Variants in GCSAML observed in about 807,000 individuals in gnomAD.
GCSAML encodes germinal center associated signaling and motility like.
Under a neutral mutation model 13.0 loss-of-function variants are expected in GCSAML, and 9 were observed. The observed-to-expected ratio is 0.69, with a 90% CI of 0.42 to 1.21. The LOEUF (loss-of-function observed/expected upper bound fraction) is 1.21. Among genes scored for constraint, GCSAML ranks in the 50% most tolerant of loss-of-function variants. The pLI is 0.00. For missense variants in GCSAML, 143 were observed against 153.4 expected (o/e 0.93, Z 0.36); for synonymous variants, 37 against 52.9 (o/e 0.70, Z 1.31).
At chr1:247,535,162 T>C (rs1224196946) in intron 2 of GCSAML, among the ~76,000 whole-genome samples, 1 of 151,790 alleles carries the variant, frequency 6.6e-6, no homozygotes, top group Non-Finnish European at 1.5e-5. Context: ...AAAAATAAAA[T>C]AAAATGACTG....
intron 1 of GCSAML, among the ~76,000 whole-genome samples, chr1:247,522,055 G>A (rs902277578): frequency 5.4e-5 from 8 of 148,320 alleles, no homozygotes; most frequent in South Asian, 4.3e-4. Flanking sequence ...GGTGAGCAGC[G>A]TCTCTGCCCG....
chr1:247,544,659 G>A (rs957174828), upstream of GCSAML, among the ~76,000 whole-genome samples: 14 of 152,000 alleles, frequency 9.2e-5, no homozygotes, highest in Non-Finnish European at 5.9e-5. Flanking sequence ...TGGAAACATG[G>A]ACAACAGGGC....
At chr1:247,561,781 C>A (rs1189265683) in intron 2 of GCSAML, among the ~76,000 whole-genome samples, 1 of 152,074 alleles carries the variant, frequency 6.6e-6, no homozygotes, top group Non-Finnish European at 1.5e-5. Context: ...GAAAGTAGAT[C>A]ATTTGTGAGA....
Position 247,576,501 on chromosome 1 carries a change from T to G in GCSAML, c.*2119T>G, listed in dbSNP as rs112138750. On this transcript the variant is annotated 3_prime_UTR_variant, in exon 5 of 5. Transcript: ENST00000366488. ...TTGAGGCTGAACTGAGCCAGGATCT[T>G]GCCACCACATTCCAGCTTGGGCAAC... 2.6e-5 allele frequency: 4 copies of G among 152,194 alleles called. No individual in the cohort carries two copies. The highest frequency in any genetic ancestry group is 5.9e-5 in the Non-Finnish European group (4 of 68,156). 9.4% of individuals were successfully genotyped at this position (152,194 alleles called of 1,614,324 possible).
chr1:247,518,958 C>T (rs1366671009), intron 1 of GCSAML, among the ~76,000 whole-genome samples: 1 of 152,090 alleles, frequency 6.6e-6, no homozygotes, highest in Non-Finnish European at 1.5e-5. Context: ...CACTGCACTC[C>T]AGCCTGGGCA....
intron 2 of GCSAML, among the ~76,000 whole-genome samples, chr1:247,559,287 C>T (rs999653368): frequency 6.6e-6 from 1 of 152,164 alleles, no homozygotes; most frequent in African/African-American, 2.4e-5. Context: ...TTGTTATTAG[C>T]TGAGAGAAAT....
intron 1 of GCSAML, among the ~76,000 whole-genome samples, chr1:247,550,408 C>A (rs146280947): frequency 1.3e-5 from 2 of 152,038 alleles, no homozygotes; most frequent in East Asian, 1.9e-4. Flanking sequence ...GAGGCCGAGG[C>A]GGGTGGATCA....
At chr1:247,545,979 G>A (rs1380543202), upstream of GCSAML, among the ~76,000 whole-genome samples, 2 of 151,930 alleles carry the variant, frequency 1.3e-5, no homozygotes, top group Non-Finnish European at 2.9e-5. Flanking sequence ...ATCACGAAGA[G>A]CTACAAGGAA....
At chr1:247,524,232 C>T (rs1488396503) in intron 1 of GCSAML, among the ~76,000 whole-genome samples, 4 of 152,060 alleles carry the variant, frequency 2.6e-5, no homozygotes, top group East Asian at 3.9e-4. Flanking sequence ...TTACCTGGGC[C>T]TGAGGGATCT....
At chr1:247,521,586 TG>T (rs1010645436) in intron 1 of GCSAML, among the ~76,000 whole-genome samples, 7 of 152,200 alleles carry the variant, frequency 4.6e-5, no homozygotes, top group African/African-American at 1.7e-4. Context: ...TTCGCTGTGT[TG>T]GCTGGGCTGG....
intron 1 of GCSAML, among the ~76,000 whole-genome samples, chr1:247,551,488 A>C (rs2103037817): frequency 6.6e-6 from 1 of 152,336 alleles, no homozygotes; most frequent in South Asian, 2.1e-4. Flanking sequence ...CTGGAGAAAA[A>C]TGCAATGTGG....
At chr1:247,508,301 C>T (rs1665897931) in intron 1 of GCSAML, among the ~76,000 whole-genome samples, 1 of 152,178 alleles carries the variant, frequency 6.6e-6, no homozygotes, top group Non-Finnish European at 1.5e-5. Context: ...TTGATGGCCA[C>T]ATAAATGTCT....
intron 1 of GCSAML, among the ~76,000 whole-genome samples, chr1:247,523,997 T>TAC (rs34257635): frequency 0.2 from 29,847 of 147,666 alleles, 2,969 homozygotes; most frequent in Middle Eastern, 0.22. Context: ...ACATCTGTCT[T>TAC]ACACACACAC....
chr1:247,542,419 G>A (rs1667444695), intron 2 of GCSAML, among the ~76,000 whole-genome samples: 1 of 152,204 alleles, frequency 6.6e-6, no homozygotes, highest in Non-Finnish European at 1.5e-5. Context: ...AAAGGTGGAA[G>A]GAAATAATTG....
At chr1:247,557,593 T>C (rs1419138501) in intron 2 of GCSAML, among the ~76,000 whole-genome samples, 3 of 152,162 alleles carry the variant, frequency 2.0e-5, no homozygotes, top group South Asian at 2.1e-4. Flanking sequence ...CAGGTATCTG[T>C]TGGTGATGTG....
At chr1:247,571,001 GTCTGTTTTA>G (rs2103075903) in intron 4 of GCSAML, among the ~76,000 whole-genome samples, 1 of 152,190 alleles carries the variant, frequency 6.6e-6, no homozygotes, top group East Asian at 1.9e-4. Flanking sequence ...TTGGTTTAAA[GTCTGTTTTA>G]TCAGATTGCA....
Position 247,563,632 on chromosome 1 carries a change from T to TAAGAA in GCSAML, c.136_139+1dup. Reference sequence around the variant, plus strand: ...TTGAAAGAAAACTTCAAGATCAAGATAAGAAAAGTAAGTCATGGCTGTATA... The same window carrying TAAGAA: ...TTGAAAGAAAACTTCAAGATCAAGATAAGAAAAGAAAAGTAAGTCATGGCTGTATA... On this transcript the variant is annotated frameshift_variant, in exon 3 of 5. Coordinates refer to ENST00000366488, the MANE Select transcript of GCSAML (RefSeq NM_145278.5). LOFTEE classifies it low-confidence loss of function (END_TRUNC). The TAAGAA allele has an allele frequency of 6.4e-7, 1 of 1,558,364 alleles. No individual in the cohort carries two copies. Among genetic ancestry groups the TAAGAA allele is most frequent in the Admixed American group, 1.7e-5 (1 of 59,492 alleles).
At chr1:247,532,063 C>G in intron 2 of GCSAML, 2 of 1,614,084 alleles carry the variant, frequency 1.2e-6, no homozygotes, top group Non-Finnish European at 1.7e-6. Flanking sequence ...ACCCCCCAGC[C>G]AGGAGGCCAA....
intron 1 of GCSAML, among the ~76,000 whole-genome samples, chr1:247,551,453 G>C (rs374386753): frequency 6.6e-6 from 1 of 152,226 alleles, no homozygotes; most frequent in African/African-American, 2.4e-5. Flanking sequence ...CACGTAGAAA[G>C]TGGTAAGCAG....
Sources: gnomAD v4.1 joint callset for allele counts (sites outside exome capture counted in the v4.1 genomes callset) on GRCh38, gnomAD v4.1.1 for gene constraint, MANE v1.5 for transcripts, NCBI Gene and HGNC (gene_info 2026-07-23, HGNC 2026-07-21) for gene names.